Variants in DPP10 observed in about 807,000 individuals in gnomAD.
DPP10 encodes inactive dipeptidyl peptidase 10.
Under a neutral mutation model 120.9 loss-of-function variants are expected in DPP10, and 33 were observed. That is an observed-to-expected ratio of 0.27 (90% CI 0.21 to 0.37). The LOEUF is 0.37. Ranked by LOEUF, DPP10 falls within the 10% of genes least tolerant of loss-of-function variation. DPP10 has a pLI of 1.00. For synonymous variants in DPP10, 337 were observed against 326.1 expected, an observed-to-expected ratio of 1.03 and a Z score of -0.36; for missense variants, 816 against 942.8, an observed-to-expected ratio of 0.87 and a Z score of 1.76.
At chr2:114,665,511 A>AG (rs1159481449) in intron 1 of DPP10, among the ~76,000 whole-genome samples, 1 of 152,154 alleles carries the variant, frequency 6.6e-6, no homozygotes, top group Non-Finnish European at 1.5e-5. Flanking sequence ...CAAAGGTGGA[A>AG]GGGACCCATG....
At chr2:114,790,477 C>G (rs751988104) in intron 1 of DPP10, among the ~76,000 whole-genome samples, 2 of 152,016 alleles carry the variant, frequency 1.3e-5, no homozygotes, top group African/African-American at 2.4e-5. Flanking sequence ...TCTTTTCATG[C>G]GCGTCCGTGT....
At chr2:115,046,315 G>A (rs901272202) in intron 1 of DPP10, among the ~76,000 whole-genome samples, 5 of 152,072 alleles carry the variant, frequency 3.3e-5, no homozygotes, top group Non-Finnish European at 7.4e-5. Flanking sequence ...AATAATTCTT[G>A]TTTAGTGAAT....
At chr2:115,427,112 G>T (rs1312279731) in intron 3 of DPP10, among the ~76,000 whole-genome samples, 1 of 152,134 alleles carries the variant, frequency 6.6e-6, no homozygotes, top group East Asian at 1.9e-4. Context: ...CACATACAGG[G>T]CACACAGCTG....
intron 2 of DPP10, chr2:115,342,201 G>T (rs948928494): frequency 4.5e-6 from 2 of 448,162 alleles, no homozygotes; most frequent in Non-Finnish European, 9.0e-6. Flanking sequence ...GTGTGTGTGT[G>T]TGTAATTTGT....
intron 21 of DPP10, among the ~76,000 whole-genome samples, chr2:115,825,875 GAA>G (rs1025039627): frequency 2.0e-5 from 3 of 152,138 alleles, no homozygotes; most frequent in Admixed American, 2.0e-4. Context: ...CCATCAAATA[GAA>G]AAAGTGTCCC....
chr2:114,991,866 C>T (rs1574648268), intron 1 of DPP10, among the ~76,000 whole-genome samples: 1 of 152,158 alleles, frequency 6.6e-6, no homozygotes, highest in African/African-American at 2.4e-5. Context: ...CACATATGCT[C>T]ATGTCCAGGC....
chr2:115,624,678 G>A (rs943639007), intron 5 of DPP10, among the ~76,000 whole-genome samples: 3 of 152,142 alleles, frequency 2.0e-5, no homozygotes, highest in Non-Finnish European at 2.9e-5. Flanking sequence ...GTGAAGCACC[G>A]AGTAGATGGT....
At chr2:115,004,145 A>G (rs1346057397) in intron 1 of DPP10, among the ~76,000 whole-genome samples, 1 of 152,108 alleles carries the variant, frequency 6.6e-6, no homozygotes. Flanking sequence ...AGTGGATCTC[A>G]TGAAGATTGG....
chr2:115,121,537 A>G (rs1474622444), intron 1 of DPP10, among the ~76,000 whole-genome samples: 1 of 152,112 alleles, frequency 6.6e-6, no homozygotes, highest in Non-Finnish European at 1.5e-5. Flanking sequence ...GCCCAGGGGC[A>G]TTTTTGGCTC....
chr2:115,497,650 G>C (rs1428016490), intron 3 of DPP10, among the ~76,000 whole-genome samples: 3 of 148,314 alleles, frequency 2.0e-5, no homozygotes, highest in African/African-American at 7.3e-5. Context: ...AAGTGGGCCA[G>C]AGATGAGAAT....
chr2:115,017,194 A>T (rs550326700), intron 1 of DPP10, among the ~76,000 whole-genome samples: 16 of 151,906 alleles, frequency 1.1e-4, no homozygotes, highest in Admixed American at 2.0e-4. Context: ...GTACCCTAAA[A>T]CTTCAAGTAT....
intron 2 of DPP10, among the ~76,000 whole-genome samples, chr2:115,334,451 A>C (rs537752647): frequency 1.2e-4 from 18 of 151,520 alleles, no homozygotes; most frequent in African/African-American, 3.4e-4. Flanking sequence ...GTGACAAGCT[A>C]TTAGGTTTTC....
chr2:114,509,034 G>A (rs958182687), intron 1 of DPP10, among the ~76,000 whole-genome samples: 1 of 152,046 alleles, frequency 6.6e-6, no homozygotes, highest in African/African-American at 2.4e-5. Flanking sequence ...GAGAGAGAGA[G>A]AAAGAGAGAG....
chr2:115,482,091 T>C lies in DPP10; in HGVS notation c.272-17419T>C, dbSNP rs1358022275. 3.9e-5 allele frequency among the ~76,000 whole-genome samples: 6 copies of C among 152,184 alleles called. No homozygotes were observed. In the East Asian group the frequency reaches 9.7e-4, roughly 25 times the overall value. ...AGTAGTTTCGGTTTTACAGCCAAAA[T>C]ATATCTAAAGTTTTGTATTTGAAAC... On this transcript the variant is annotated intron_variant, in intron 3 of 25. Transcript: ENST00000410059.
intron 1 of DPP10, among the ~76,000 whole-genome samples, chr2:114,619,378 CAT>C (rs958615799): frequency 2.8e-4 from 39 of 140,582 alleles, no homozygotes; most frequent in African/African-American, 8.9e-4. Flanking sequence ...TATATATATA[CAT>C]ATGTGTGTGT....
At chr2:114,542,441 G>A (rs906546563) in intron 1 of DPP10, among the ~76,000 whole-genome samples, 2 of 152,138 alleles carry the variant, frequency 1.3e-5, no homozygotes, top group African/African-American at 4.8e-5. Context: ...TGATTGAGTG[G>A]AACACTTGGA....
intron 10 of DPP10, chr2:115,750,119 A>T (rs1468571172): frequency 1.0e-6 from 1 of 985,254 alleles, no homozygotes; most frequent in Non-Finnish European, 1.2e-6. Flanking sequence ...ACCAGATCTA[A>T]TGTGTTCATG....
At chr2:115,780,260 C>T (rs1682592885) in intron 15 of DPP10, among the ~76,000 whole-genome samples, 1 of 151,866 alleles carries the variant, frequency 6.6e-6, no homozygotes, top group Non-Finnish European at 1.5e-5. Flanking sequence ...ATGGTGATGA[C>T]TCTTCTTTTT....
At chr2:115,315,138 C>G (rs146095972) in intron 2 of DPP10, among the ~76,000 whole-genome samples, 3,798 of 151,604 alleles carry the variant, frequency 0.025, 72 homozygotes, top group Non-Finnish European at 0.04. Context: ...TATGTGCCCA[C>G]AAATATGATG....
Sources: allele counts gnomAD v4.1 joint callset (sites outside exome capture counted in the v4.1 genomes callset), GRCh38; gene constraint gnomAD v4.1.1; transcripts MANE v1.5; gene names NCBI Gene and HGNC (gene_info 2026-07-23, HGNC 2026-07-21).